Variants in ZBTB26 observed in about 807,000 individuals in gnomAD.
ZBTB26 encodes the protein zinc finger and BTB domain containing 26.
In ZBTB26, 12 loss-of-function variants were observed where a neutral mutation model predicts 31.6. The ratio of observed to expected loss-of-function variants is 0.38; its 90% CI spans 0.24 to 0.61. ZBTB26 has a LOEUF of 0.61. Ranked by LOEUF, ZBTB26 falls within the 20% of genes least tolerant of loss-of-function variation. ZBTB26 has a pLI of 0.60. For missense variants in ZBTB26, 311 were observed against 521.9 expected (o/e 0.60, Z 3.94); for synonymous variants, 155 against 182.9 (o/e 0.85, Z 1.23).
In ZBTB26 at chr9:122,918,627, A is replaced by T. The variant is rs761260731; in HGVS notation, c.1308T>A (p.Asp436Glu). The T allele has an allele frequency of 6.2e-7, 1 of 1,613,188 alleles. No individual in the cohort carries two copies. Among genetic ancestry groups the T allele is most frequent in the South Asian group, 1.1e-5 (1 of 90,906 alleles). The part of the protein sequence containing the change: ...LAQAVLNLRN[D>E]STCVN ...CCCCTACTCAATTCACACAAGTACT[A>T]TCATTTCTTAAGTTCAGGACAGCTT... is the stretch of plus-strand genomic sequence containing the variant. The change falls in exon 2 of 2, where the codon GAT becomes GAA. Residue 436 changes from aspartate to glutamate, a missense_variant. Physicochemically the swap from Asp to Glu is conservative, Grantham distance 45. Coordinates refer to ENST00000373656, the MANE Select transcript of ZBTB26 (RefSeq NM_020924.4).
chr9:122,928,939 C>A (rs1027588688), intron 1 of ZBTB26, among the ~76,000 whole-genome samples: 2 of 152,118 alleles, frequency 1.3e-5, no homozygotes, highest in Admixed American at 6.5e-5. Context: ...TGAAGAGAGA[C>A]AACAATAATA....
At position 122,919,735 on chromosome 9, in the gene ZBTB26, G is replaced by C; in HGVS notation, c.200C>G (p.Ser67Cys). 1 of 1,614,076 alleles carries C rather than the reference G, an allele frequency of 6.2e-7. No individual in the cohort carries two copies. Among genetic ancestry groups the C allele is most frequent in the African/African-American group, 1.3e-5 (1 of 75,018 alleles). Residue 67 changes from serine to cysteine, a missense_variant, in exon 2 of 2, where the codon TCC becomes TGC. Transcript: ENST00000373656. This position sits in a 1 kb window ranked among gnomAD's most constrained non-coding sequence, Gnocchi z 6.1. ...TAATATGGAGATTTTCACCTCTCTG[G>C]AATCATTCAGTAAAAATTGGTCTCT... ...FLRDQFLLND[S>C]REVKISILQS...
chr9:122,919,531 C>T lies in ZBTB26; in HGVS notation c.404G>A (p.Ser135Asn). 6.2e-7 allele frequency: 1 copy of T among 1,614,222 alleles called. No homozygotes were observed. Among genetic ancestry groups the T allele is most frequent in the Non-Finnish European group, 8.5e-7 (1 of 1,180,034 alleles). ...ACTCTGTGGTTCACATCCCTCTTTA[C>T]TATCCATTGGTTGTTTTGGCTTTAT... ...KFIKPKQPMDSKEGCEPQSAS... is the reference protein window; with the variant it reads ...KFIKPKQPMDNKEGCEPQSAS... The change falls in exon 2 of 2, where the codon AGT becomes AAT. Residue 135 changes from serine to asparagine, a missense_variant. By Grantham distance (46) the Ser-to-Asn change is conservative. This residue lies in a region of ZBTB26 where 207 missense variants were observed against 298.6 expected (regional missense o/e 0.69). Transcript: ENST00000373656. This position sits in a 1 kb window ranked among gnomAD's most constrained non-coding sequence, Gnocchi z 6.1.
Position 122,915,838 on chromosome 9 carries a change from CAG to C in ZBTB26, c.*2769_*2770del, listed in dbSNP as rs1833011587. On this transcript the variant is annotated 3_prime_UTR_variant, in exon 2 of 2. Transcript: ENST00000373656. Reference sequence around the variant, plus strand: ...TATTAAATAATAAATAAATAACTGACAGAGTAATTTTTTTTTAAACCAAACTA... The same window carrying C: ...TATTAAATAATAAATAAATAACTGACAGTAATTTTTTTTTAAACCAAACTA... 1.3e-5 allele frequency: 2 copies of C among 152,258 alleles called. No homozygotes were observed. Among genetic ancestry groups the C allele is most frequent in the South Asian group, 2.1e-4 (1 of 4,830 alleles). The allele number at this position is 152,258 out of a possible 1,614,324, so 9.4% of individuals were successfully genotyped here.
At chr9:122,922,182 G>A (rs983345569) in intron 1 of ZBTB26, among the ~76,000 whole-genome samples, 26 of 152,170 alleles carry the variant, frequency 1.7e-4, no homozygotes, top group Admixed American at 8.5e-4. Flanking sequence ...AGGTTTCAGC[G>A]AGCCGAGATT....
intron 1 of ZBTB26, among the ~76,000 whole-genome samples, chr9:122,921,286 T>A (rs753954525): frequency 6.6e-6 from 1 of 152,238 alleles, no homozygotes; most frequent in Non-Finnish European, 1.5e-5. Flanking sequence ...CACTAGTCAC[T>A]GTAAACTAAT....
In ZBTB26 at chr9:122,919,510, T is replaced by A. The variant is rs757883715; in HGVS notation, c.425A>T (p.Gln142Leu). The change falls in exon 2 of 2, where the codon CAG becomes CTG. Residue 142 changes from glutamine (Q) to leucine (L), a missense_variant. Gln to Leu is a moderately radical substitution (Grantham distance 113, BLOSUM62 -2). This residue lies in a region of ZBTB26 where 207 missense variants were observed against 298.6 expected (regional missense o/e 0.69). Transcript: ENST00000373656. This position sits in a 1 kb window ranked among gnomAD's most constrained non-coding sequence, Gnocchi z 6.1. ...PMDSKEGCEPQSASPQSKEQQ... is the reference protein window; with the variant it reads ...PMDSKEGCEPLSASPQSKEQQ... ...TTCTTTTGACTGGGGAGAAGCACTC[T>A]GTGGTTCACATCCCTCTTTACTATC... 2 of 1,614,242 alleles carry A rather than the reference T, an allele frequency of 1.2e-6. No homozygotes were observed. Among genetic ancestry groups the A allele is most frequent in the Non-Finnish European group, 8.5e-7 (1 of 1,180,042 alleles).
intron 1 of ZBTB26, among the ~76,000 whole-genome samples, chr9:122,924,142 G>A (rs1417261271): frequency 1.3e-5 from 2 of 152,210 alleles, no homozygotes; most frequent in Non-Finnish European, 2.9e-5. Context: ...GCATGACTGT[G>A]CTTCCTATCC....
chr9:122,924,686 G>C (rs1833151971), intron 1 of ZBTB26, among the ~76,000 whole-genome samples: 1 of 149,388 alleles, frequency 6.7e-6, no homozygotes, highest in South Asian at 2.1e-4. Context: ...GAATGCAGTG[G>C]CGTAATCATA....
intron 1 of ZBTB26, among the ~76,000 whole-genome samples, chr9:122,927,530 T>G (rs751580970): frequency 2.0e-4 from 30 of 152,212 alleles, no homozygotes; most frequent in Non-Finnish European, 2.4e-4. Flanking sequence ...CAAAACTACT[T>G]GGAAATCTTT....
rs750074642 is a variant in ZBTB26 at position 122,919,498 on chromosome 9, G to T, written c.437C>A (p.Pro146His). ...KEGCEPQSAS[P>H]QSKEQQGDAR... is the part of the protein sequence containing the mutation. ...ATCTCCCTGCTGTTCTTTTGACTGG[G>T]GAGAAGCACTCTGTGGTTCACATCC... is the stretch of plus-strand genomic sequence containing the variant. The change falls in exon 2 of 2, where the codon CCC becomes CAC. Residue 146 changes from proline (P) to histidine (H), a missense_variant. By Grantham distance (77) the Pro-to-His change is moderately conservative. Coordinates refer to ENST00000373656, the MANE Select transcript of ZBTB26 (RefSeq NM_020924.4). This position sits in a 1 kb window ranked among gnomAD's most constrained non-coding sequence, Gnocchi z 6.1. The T allele has an allele frequency of 6.2e-7, 1 of 1,614,058 alleles. No homozygotes were observed. Among genetic ancestry groups the T allele is most frequent in the Non-Finnish European group, 8.5e-7 (1 of 1,180,050 alleles).
At chr9:122,928,210 A>G (rs1384210737) in intron 1 of ZBTB26, among the ~76,000 whole-genome samples, 1 of 152,248 alleles carries the variant, frequency 6.6e-6, no homozygotes, top group African/African-American at 2.4e-5. Flanking sequence ...TCTTATACAT[A>G]AACTATACAT....
intron 1 of ZBTB26, among the ~76,000 whole-genome samples, chr9:122,921,423 TA>T (rs1259851912): frequency 1.3e-5 from 2 of 152,256 alleles, no homozygotes; most frequent in Non-Finnish European, 2.9e-5. Context: ...TTTTATGTAT[TA>T]ATCAACCCCT....
At chr9:122,930,400 A>T (rs1167880832) in intron 1 of ZBTB26, among the ~76,000 whole-genome samples, 1 of 152,206 alleles carries the variant, frequency 6.6e-6, no homozygotes, top group Non-Finnish European at 1.5e-5. Flanking sequence ...TGACACCATT[A>T]TAACTTATTT....
intron 1 of ZBTB26, chr9:122,931,115 G>T (rs1352338402): frequency 6.6e-6 from 1 of 152,270 alleles, no homozygotes; most frequent in Non-Finnish European, 1.5e-5. Context: ...TGGCTCCCGA[G>T]GCTCGTTTTC....
Position 122,915,701 on chromosome 9 carries a change from T to C in ZBTB26, c.*2908A>G, listed in dbSNP as rs1209171474. On this transcript the variant is annotated 3_prime_UTR_variant, in exon 2 of 2. Transcript: ENST00000373656. ...AAATCTTCTGGGTTGTTTAGGACAG[T>C]ATTTTAGAAGCAGTGACATTGGTCA... 4 of 152,252 alleles carry C rather than the reference T, an allele frequency of 2.6e-5. No individual in the cohort carries two copies. The East Asian group carries it at 7.7e-4, about 29-fold the overall frequency. The allele number at this position is 152,252 out of a possible 1,614,324, so 9.4% of individuals were successfully genotyped here.
Position 122,919,444 on chromosome 9 carries a change from G to C in ZBTB26, c.491C>G (p.Pro164Arg). The C allele has an allele frequency of 5.6e-6, 9 of 1,614,152 alleles. No individual in the cohort carries two copies. The highest frequency in any genetic ancestry group is 7.6e-6 in the Non-Finnish European group (9 of 1,180,028). ...ACTGTCTTCAGATGGATGAATACAA[G>C]GTGAGTCCTGCTTTGGGGAGCCTCT... ...DARGSPKQDSPCIHPSEDSMD... is the reference protein window; with the variant it reads ...DARGSPKQDSRCIHPSEDSMD... The change falls in exon 2 of 2, where the codon CCT (proline) becomes CGT (arginine). Residue 164 changes from proline to arginine, a missense_variant. By Grantham distance (103) the Pro-to-Arg change is moderately radical. Around this residue, in one of 5 missense-constraint regions of ZBTB26, gnomAD observed 207 missense variants for 298.6 expected, o/e 0.69. Transcript: ENST00000373656. The surrounding 1 kb of genome is among the most constrained non-coding windows in gnomAD (Gnocchi z 6.1).
chr9:122,921,900 C>G (rs2131537154), intron 1 of ZBTB26, among the ~76,000 whole-genome samples: 1 of 151,252 alleles, frequency 6.6e-6, no homozygotes, highest in Non-Finnish European at 1.5e-5. Flanking sequence ...CACTGCACTC[C>G]AGCCTGGGCA....
At chr9:122,928,043 C>T (rs1833210314) in intron 1 of ZBTB26, among the ~76,000 whole-genome samples, 1 of 152,096 alleles carries the variant, frequency 6.6e-6, no homozygotes, top group South Asian at 2.1e-4. Flanking sequence ...CCATGTTGGC[C>T]AGGCTGTTCT....
Sources: allele counts gnomAD v4.1 joint callset (sites outside exome capture counted in the v4.1 genomes callset), GRCh38; gene constraint gnomAD v4.1.1; regional missense constraint gnomAD v4.1.1; non-coding constraint Gnocchi (gnomAD v3.1); transcripts MANE v1.5; gene names NCBI Gene and HGNC (gene_info 2026-07-23, HGNC 2026-07-21).